The following MPP1 variants were observed in gnomAD, a reference collection of about 807,000 sequenced individuals.
The protein encoded by MPP1 is MAGUK p55 scaffold protein 1, also known as 55 kDa erythrocyte membrane protein.
MPP1 carries 6 observed loss-of-function variants against 38.2 expected under a neutral mutation model. That is an observed-to-expected ratio of 0.16 (90% CI 0.09 to 0.31). The LOEUF is 0.31. Among genes scored for constraint, MPP1 ranks in the 10% least tolerant of loss-of-function variants. The pLI is 1.00. For missense variants in MPP1, 293 were observed against 368.9 expected, an observed-to-expected ratio of 0.79 and a Z score of 1.69; for synonymous variants, 153 against 146.3, an observed-to-expected ratio of 1.05 and a Z score of -0.33.
At chrX:154,785,437 G>A (rs1012499657) in intron 6 of MPP1, among the ~76,000 whole-genome samples, 19 of 110,334 alleles carry the variant, frequency 1.7e-4, no homozygotes, top group African/African-American at 6.3e-4. Context: ...GACCATAAAG[G>A]TCTCAAACCT....
chrX:154,780,752 G>C lies in MPP1; in HGVS notation c.1224+487C>G, dbSNP rs1014814459. Reference sequence around the variant, plus strand: ...AAAAAGAGTTCCTCACACCCTGATAGGGAAAGGTGTCCATTGTTCAATGCA... The same window carrying C: ...AAAAAGAGTTCCTCACACCCTGATACGGAAAGGTGTCCATTGTTCAATGCA... On this transcript the variant is annotated intron_variant, in intron 11 of 11. Coordinates refer to ENST00000369534, the MANE Select transcript of MPP1 (RefSeq NM_002436.4). Among the ~76,000 whole-genome samples the C allele has an allele frequency of 3.6e-5, 4 of 111,605 alleles. No individual in the cohort carries two copies. The Admixed American group carries it at 3.7e-4, about 10-fold the overall frequency.
rs954764959 is a variant in MPP1, at chrX:154,779,061, G to A, written c.*116C>T. On this transcript the variant is annotated 3_prime_UTR_variant, in exon 12 of 12. Transcript: ENST00000369534. ...TACTGGCTGAATTAGGATAGCTGCAGAGAGCTGGAAGCTGACACAAAACTA... is the reference window on the plus strand; with the variant it reads ...TACTGGCTGAATTAGGATAGCTGCAAAGAGCTGGAAGCTGACACAAAACTA... 1.5e-4 allele frequency: 99 copies of A among 670,652 alleles called. No homozygotes were observed. Among genetic ancestry groups the A allele is most frequent in the Non-Finnish European group, 2.2e-4 (98 of 452,733 alleles). The allele number at this position is 670,652 out of a possible 1,213,427, so 55.3% of individuals were successfully genotyped here. A position where few individuals can be genotyped will look rare whatever the true frequency, so the allele number is the denominator to read the frequency against.
intron 5 of MPP1, among the ~76,000 whole-genome samples, chrX:154,786,844 C>T (rs1050792932): frequency 7.0e-5 from 6 of 85,948 alleles, no homozygotes; most frequent in Non-Finnish European, 1.3e-4. Flanking sequence ...TGCAGTGAGC[C>T]GAGATTGTGC....
intron 10 of MPP1, 70 bp from the exon 11 acceptor site, chrX:154,781,383 T>G: frequency 1.2e-6 from 1 of 869,541 alleles, no homozygotes. Flanking sequence ...AAAAAAAACC[T>G]ACATAGCTGT....
intron 5 of MPP1, 80 bp from the exon 6 acceptor site, chrX:154,786,480 A>G: frequency 1.1e-6 from 1 of 934,302 alleles, no homozygotes; most frequent in Non-Finnish European, 1.5e-6. Context: ...CTGTAGACAA[A>G]TGGGGTCAGG....
chrX:154,805,345 C>G lies in MPP1; in HGVS notation c.29G>C (p.Ser10Thr), dbSNP rs1426797469. ...GAGCGCCGTGTGCATGCTGCCCCCA[C>G]TCTCGCCCTCGCTCGCCTTGAGGGT... Reference protein sequence around the residue: MTLKASEGESGGSMHTALSD... With the variant: MTLKASEGETGGSMHTALSD... Residue 10 changes from serine to threonine, a missense_variant, in exon 1 of 12, where the codon AGT becomes ACT. Ser to Thr is a moderately conservative substitution (Grantham distance 58, BLOSUM62 1). Coordinates refer to ENST00000369534, the MANE Select transcript of MPP1 (RefSeq NM_002436.4). 30 of 1,203,759 alleles carry G rather than the reference C, an allele frequency of 2.5e-5. No individual in the cohort carries two copies. The highest frequency in any genetic ancestry group is 3.3e-5 in the Non-Finnish European group (29 of 891,386).
At chrX:154,796,233 C>T (rs922573328) in intron 1 of MPP1, among the ~76,000 whole-genome samples, 22 of 110,260 alleles carry the variant, frequency 2.0e-4, no homozygotes, top group Non-Finnish European at 3.4e-4. Flanking sequence ...TGGGTTCAAG[C>T]GATTCTCCTG....
chrX:154,781,906 T>C (rs2072010791), intron 9 of MPP1, 104 bp from the exon 10 acceptor site: 6 of 776,726 alleles, frequency 7.7e-6, no homozygotes, highest in African/African-American at 2.0e-5. Context: ...CTTTGGTGCA[T>C]TGACTTTAAT....
rs2072306862 is a variant in MPP1 at position 154,805,179 on chromosome X, G to C, written c.102+93C>G. ...CTATGGCCAGGACCCGCAAGGACAGGCCCCCCGGGGACAGGGACCGGGACA... is the reference window on the plus strand; with the variant it reads ...CTATGGCCAGGACCCGCAAGGACAGCCCCCCCGGGGACAGGGACCGGGACA... On this transcript the variant is annotated intron_variant, in intron 1 of 11. Coordinates refer to ENST00000369534, the MANE Select transcript of MPP1 (RefSeq NM_002436.4). 3.4e-6 allele frequency: 3 copies of C among 889,835 alleles called. No homozygotes were observed. In the African/African-American group the frequency reaches 5.9e-5, roughly 18 times the overall value. The allele number at this position is 889,835 out of a possible 1,213,427, so 73.3% of individuals were successfully genotyped here. A position where few individuals can be genotyped will look rare whatever the true frequency, so the allele number is the denominator to read the frequency against.
intron 5 of MPP1, among the ~76,000 whole-genome samples, chrX:154,789,185 G>A (rs782149907): frequency 7.1e-4 from 79 of 111,916 alleles, no homozygotes; most frequent in Non-Finnish European, 1.4e-3. Context: ...AAATTATACC[G>A]TCACACTACA....
intron 1 of MPP1, among the ~76,000 whole-genome samples, chrX:154,793,327 A>G (rs2072162517): frequency 8.9e-6 from 1 of 112,364 alleles, no homozygotes; most frequent in African/African-American, 3.2e-5. Context: ...AAACATTTGC[A>G]ATATTTACAT....
At position 154,787,101 on chromosome X, in the gene MPP1, AACACACACACACACACAC is replaced by A. The variant is rs59779466; in HGVS notation, c.481-719_481-702del. Among the ~76,000 whole-genome samples, 15 of 82,892 alleles carry A rather than the reference AACACACACACACACACAC, an allele frequency of 1.8e-4. No individual in the cohort carries two copies. In the South Asian group the frequency reaches 6.0e-3, roughly 33 times the overall value. The allele number at this position is 82,892 out of a possible 115,157, so 72.0% of individuals were successfully genotyped here. On this transcript the variant is annotated intron_variant, in intron 5 of 11. Transcript: ENST00000369534. Reference sequence around the variant, plus strand: ...TGAAAATTCTCCTCTCCTGCTCCCAAACACACACACACACACACACACACACACACACACACACACACA... The same window carrying A: ...TGAAAATTCTCCTCTCCTGCTCCCAAACACACACACACACACACACACACA...
At chrX:154,801,206 C>T (rs183690411) in intron 1 of MPP1, among the ~76,000 whole-genome samples, 39 of 112,052 alleles carry the variant, frequency 3.5e-4, no homozygotes, top group African/African-American at 1.1e-3. Flanking sequence ...AACTTAGCGG[C>T]GAGGTATTAC....
At chrX:154,790,073 G>C in intron 4 of MPP1, 51 bp from the exon 5 acceptor site, 1 of 840,899 alleles carries the variant, frequency 1.2e-6, no homozygotes, top group Non-Finnish European at 1.7e-6. Flanking sequence ...GTTGAATGAT[G>C]TGATCATTCA....
intron 6 of MPP1, among the ~76,000 whole-genome samples, chrX:154,785,774 G>A (rs1415820379): frequency 8.9e-6 from 1 of 111,904 alleles, no homozygotes; most frequent in Non-Finnish European, 1.9e-5. Context: ...CTGACTCGGG[G>A]ACAGGAATTA....
chrX:154,796,549 A>T (rs1046328272), intron 1 of MPP1, among the ~76,000 whole-genome samples: 1 of 112,461 alleles, frequency 8.9e-6, no homozygotes, highest in East Asian at 2.8e-4. Context: ...GGCTGGGAAG[A>T]TTAGTTTAGT....
rs1000267506 is a variant in MPP1, at chrX:154,785,303, G to A, written c.678-146C>T. On this transcript the variant is annotated intron_variant, in intron 6 of 11. Coordinates refer to ENST00000369534, the MANE Select transcript of MPP1 (RefSeq NM_002436.4). ...ATGTGTGCAAAGCACCCCATACACTGTTTGGTGCATCTTGCACTGTGCCCT... is the reference window on the plus strand; with the variant it reads ...ATGTGTGCAAAGCACCCCATACACTATTTGGTGCATCTTGCACTGTGCCCT... 3 of 457,319 alleles carry A rather than the reference G, an allele frequency of 6.6e-6. No individual in the cohort carries two copies. The African/African-American group carries it at 7.8e-5, about 12-fold the overall frequency. The allele number at this position is 457,319 out of a possible 1,213,427, so 37.7% of individuals were successfully genotyped here. A position where few individuals can be genotyped will look rare whatever the true frequency, so the allele number is the denominator to read the frequency against.
intron 5 of MPP1, among the ~76,000 whole-genome samples, chrX:154,787,146 A>C (rs113914409): frequency 2.0e-4 from 17 of 83,977 alleles, no homozygotes; most frequent in African/African-American, 3.9e-4. Flanking sequence ...ACACACACAC[A>C]CCTACCTCAT....
intron 1 of MPP1, among the ~76,000 whole-genome samples, chrX:154,796,224 G>A (rs1465425465): frequency 9.1e-6 from 1 of 109,826 alleles, no homozygotes. Context: ...TCCGCCTCCT[G>A]GGTTCAAGCG....
Sources: allele counts gnomAD v4.1 joint callset (sites outside exome capture counted in the v4.1 genomes callset), GRCh38; gene constraint gnomAD v4.1.1; transcripts MANE v1.5; gene names NCBI Gene and HGNC (gene_info 2026-07-23, HGNC 2026-07-21).